The following SPAG16 variants were observed in gnomAD, a reference collection of about 807,000 sequenced individuals.
SPAG16 encodes sperm associated antigen 16, also known as sperm-associated antigen 16 protein.
SPAG16 carries 86 observed loss-of-function variants against 80.4 expected under a neutral mutation model. That is an observed-to-expected ratio of 1.07 (90% confidence interval 0.90 to 1.28). SPAG16 has a LOEUF of 1.28. Among genes scored for constraint, SPAG16 ranks in the 50% most tolerant of loss-of-function variants. The probability of loss-of-function intolerance (pLI) is 0.00; values close to 1 mark genes in which losing one functional copy is unlikely to be tolerated. For synonymous variants in SPAG16, 294 were observed against 265.9 expected (o/e 1.11, Z -1.03); for missense variants, 870 against 765.3 (o/e 1.14, Z -1.61).
At chr2:213,422,151 G>C (rs1188920339) in intron 9 of SPAG16, 3 of 698,790 alleles carry the variant, frequency 4.3e-6, no homozygotes, top group Non-Finnish European at 7.8e-6. Context: ...ATGAGAAGGA[G>C]AGAAGAGCTG....
chr2:213,764,877 G>A (rs1373743076), intron 10 of SPAG16, among the ~76,000 whole-genome samples: 3 of 152,096 alleles, frequency 2.0e-5, no homozygotes, highest in African/African-American at 7.2e-5. Flanking sequence ...CTCAAAGAAT[G>A]CTCATTATGA....
At chr2:214,059,290 G>A (rs939148559) in intron 13 of SPAG16, among the ~76,000 whole-genome samples, 1 of 138,368 alleles carries the variant, frequency 7.2e-6, no homozygotes, top group Non-Finnish European at 1.5e-5. Flanking sequence ...AAGAATTTTT[G>A]TAAAAAATTT....
chr2:214,345,582 G>A (rs998332133), intron 15 of SPAG16, among the ~76,000 whole-genome samples: 6 of 151,976 alleles, frequency 3.9e-5, no homozygotes, highest in East Asian at 1.9e-4. Context: ...GTTGAAACCC[G>A]AAAGTTCTCT....
intron 13 of SPAG16, among the ~76,000 whole-genome samples, chr2:214,069,552 G>A (rs2050688492): frequency 6.6e-6 from 1 of 152,144 alleles, no homozygotes; most frequent in African/African-American, 2.4e-5. Context: ...TAAACAGAAA[G>A]TCACTAGTTC....
At chr2:213,933,196 A>T (rs2078844124) in intron 12 of SPAG16, among the ~76,000 whole-genome samples, 1 of 137,874 alleles carries the variant, frequency 7.3e-6, no homozygotes, top group Non-Finnish European at 1.6e-5. Context: ...AAATAGCTAT[A>T]AAAAATAATT....
At chr2:213,415,054 A>G (rs960892097) in intron 9 of SPAG16, among the ~76,000 whole-genome samples, 1 of 152,222 alleles carries the variant, frequency 6.6e-6, no homozygotes, top group Non-Finnish European at 1.5e-5. Flanking sequence ...ATCTCCCACC[A>G]GGTCCCTCCC....
chr2:213,742,202 C>T (rs2067585095), intron 10 of SPAG16, among the ~76,000 whole-genome samples: 1 of 151,288 alleles, frequency 6.6e-6, no homozygotes, highest in Non-Finnish European at 1.5e-5. Flanking sequence ...TAAATTTTTT[C>T]CCTAAGAATT....
intron 10 of SPAG16, among the ~76,000 whole-genome samples, chr2:213,535,820 T>C (rs1348850975): frequency 6.6e-6 from 1 of 152,158 alleles, no homozygotes; most frequent in Admixed American, 6.5e-5. Context: ...ACATTTTTTT[T>C]CATGAGTCTT....
At chr2:213,366,319 A>T (rs1314866438) in intron 8 of SPAG16, among the ~76,000 whole-genome samples, 2 of 152,154 alleles carry the variant, frequency 1.3e-5, no homozygotes, top group African/African-American at 2.4e-5. Context: ...CACCTAAGAA[A>T]AGAACTAATC....
At chr2:213,643,063 GTGTA>G (rs967894002) in intron 10 of SPAG16, among the ~76,000 whole-genome samples, 22 of 85,112 alleles carry the variant, frequency 2.6e-4, no homozygotes, top group Non-Finnish European at 3.6e-4. Context: ...ATGTGTGTGT[GTGTA>G]TATATATATA....
At chr2:214,166,991 C>T (rs1165926341) in intron 15 of SPAG16, among the ~76,000 whole-genome samples, 1 of 152,086 alleles carries the variant, frequency 6.6e-6, no homozygotes, top group Non-Finnish European at 1.5e-5. Flanking sequence ...CCCATCTCCT[C>T]CCAAATGAGT....
rs79514917 is a variant in SPAG16, at chr2:213,935,753, G to A, written c.1400+5608G>A. On this transcript the variant is annotated intron_variant, in intron 12 of 15. Transcript: ENST00000331683. ...TTTGCTCATTGTAGTTAAGCTGATG[G>A]AATAAAAACAGTACCTTCCACATGG... Among the ~76,000 whole-genome samples the A allele has an allele frequency of 4.3e-4, 65 of 152,218 alleles. 1 individual carries two copies. The East Asian group carries it at 0.012, about 28-fold the overall frequency.
intron 15 of SPAG16, among the ~76,000 whole-genome samples, chr2:214,339,898 G>T (rs2126028407): frequency 6.6e-6 from 1 of 152,234 alleles, no homozygotes; most frequent in East Asian, 1.9e-4. Context: ...AGATTATCCA[G>T]GTGGGCCTGA....
intron 13 of SPAG16, among the ~76,000 whole-genome samples, chr2:214,081,245 G>A (rs923773095): frequency 7.9e-5 from 12 of 152,074 alleles, no homozygotes; most frequent in Admixed American, 6.5e-4. Flanking sequence ...ACTCCAAGCC[G>A]CATTAGCCAA....
chr2:213,453,995 A>G (rs371611821), intron 9 of SPAG16, among the ~76,000 whole-genome samples: 84 of 152,136 alleles, frequency 5.5e-4, no homozygotes, highest in African/African-American at 1.9e-3. Flanking sequence ...TCCTTTATCT[A>G]TTACTCTCTT....
intron 15 of SPAG16, among the ~76,000 whole-genome samples, chr2:214,394,297 A>C (rs1290175846): frequency 6.6e-6 from 1 of 151,624 alleles, no homozygotes; most frequent in Non-Finnish European, 1.5e-5. Context: ...AAATATCAGC[A>C]TAGCTTGTTA....
At chr2:214,246,253 TTC>T (rs146649936) in intron 15 of SPAG16, among the ~76,000 whole-genome samples, 47,335 of 151,904 alleles carry the variant, frequency 0.31, 7,536 homozygotes, top group East Asian at 0.5. Flanking sequence ...GACATTGTTT[TTC>T]TCTTAGTGGC....
intron 10 of SPAG16, among the ~76,000 whole-genome samples, chr2:213,702,650 A>G (rs1041026207): frequency 2.6e-5 from 4 of 152,210 alleles, no homozygotes; most frequent in African/African-American, 9.7e-5. Flanking sequence ...TGATACTTCC[A>G]ATATACAACT....
intron 12 of SPAG16, among the ~76,000 whole-genome samples, chr2:214,005,395 T>G (rs1357976247): frequency 6.6e-6 from 1 of 152,206 alleles, no homozygotes; most frequent in African/African-American, 2.4e-5. Context: ...GGTCTGCCTT[T>G]TATGTGAGGT....
Sources: gnomAD v4.1 joint callset for allele counts (sites outside exome capture counted in the v4.1 genomes callset) on GRCh38, gnomAD v4.1.1 for gene constraint, MANE v1.5 for transcripts, NCBI Gene and HGNC (gene_info 2026-07-23, HGNC 2026-07-21) for gene names.